P3H2: variants seen among roughly 807,000 people sequenced by gnomAD.
P3H2 encodes the protein prolyl 3-hydroxylase 2.
Under a neutral mutation model 87.0 loss-of-function variants are expected in P3H2, and 80 were observed. The ratio of observed to expected loss-of-function variants is 0.92; its 90% CI spans 0.77 to 1.11. P3H2 has a LOEUF of 1.11. Ranked by LOEUF, P3H2 falls within the 50% of genes least tolerant of loss-of-function variation. P3H2 has a pLI of 0.00. For synonymous variants in P3H2, 367 were observed against 359.3 expected (o/e 1.02, Z -0.24); for missense variants, 1,001 against 923.9 (o/e 1.08, Z -1.08).
chr3:189,966,134 AGAAAG>A (rs1722990610), intron 13 of P3H2, among the ~76,000 whole-genome samples: 1 of 73,584 alleles, frequency 1.4e-5, no homozygotes, highest in Non-Finnish European at 3.2e-5. Context: ...AAAGAAAGAA[AGAAAG>A]AAAGAAAGAA....
chr3:189,966,618 G>C (rs710540), intron 13 of P3H2, among the ~76,000 whole-genome samples: 32,665 of 152,126 alleles, frequency 0.21, 3,758 homozygotes, highest in Non-Finnish European at 0.27. Context: ...ATGTTATGAA[G>C]TTTGGATAAA....
chr3:189,999,418 C>A (rs1376766190), intron 1 of P3H2, among the ~76,000 whole-genome samples: 4 of 152,180 alleles, frequency 2.6e-5, no homozygotes, highest in African/African-American at 9.7e-5. Flanking sequence ...ACTGTTTTAA[C>A]TGGAAGCTTG....
rs3062120 is a variant in P3H2 at position 190,012,207 on chromosome 3, G to GGTGT, written c.481-16769_481-16766dup. Among the ~76,000 whole-genome samples the GGTGT allele has an allele frequency of 4.8e-3, 701 of 145,684 alleles. 2 individuals are homozygous for GGTGT. The highest frequency in any genetic ancestry group is 0.015 in the African/African-American group (589 of 38,938). ...AGGTGTGTGCCTGTGTGTAGGTAAA[G>GGTGT]GTGTGTGTGTGTGTGTGTGTGTGTG... On this transcript the variant is annotated intron_variant, in intron 1 of 14. Transcript: ENST00000319332.
At chr3:189,995,577 CA>C (rs1724031449) in intron 1 of P3H2, 135 bp from the exon 2 acceptor site, 1 of 861,870 alleles carries the variant, frequency 1.2e-6, no homozygotes, top group African/African-American at 1.8e-5. Context: ...TTTTATCAGA[CA>C]GGCAATAAAA....
intron 3 of P3H2, among the ~76,000 whole-genome samples, chr3:189,991,612 C>A (rs1723879443): frequency 6.6e-6 from 1 of 152,076 alleles, no homozygotes; most frequent in African/African-American, 2.4e-5. Context: ...AAGGCTTTAG[C>A]CGAGAGATAG....
intron 9 of P3H2, 142 bp from the exon 10 acceptor site, chr3:189,974,146 T>A (rs1723274055): frequency 1.4e-6 from 1 of 701,880 alleles, no homozygotes; most frequent in Non-Finnish European, 2.6e-6. Context: ...CTGGTATAAC[T>A]ATTCTTTTAA....
At chr3:190,109,291 TTC>T (rs1169608646) in intron 1 of P3H2, among the ~76,000 whole-genome samples, 3 of 152,158 alleles carry the variant, frequency 2.0e-5, no homozygotes, top group African/African-American at 7.2e-5. Flanking sequence ...TTCCCTCCCT[TTC>T]TCTTTCTTTC....
intron 1 of P3H2, among the ~76,000 whole-genome samples, chr3:190,030,493 C>A (rs1348917702): frequency 6.6e-6 from 1 of 152,084 alleles, no homozygotes; most frequent in Admixed American, 6.6e-5. Context: ...GAGGTCAAGG[C>A]TGCAGTGAGC....
chr3:190,056,335 A>T (rs1726153694), intron 1 of P3H2, among the ~76,000 whole-genome samples: 1 of 152,168 alleles, frequency 6.6e-6, no homozygotes, highest in African/African-American at 2.4e-5. Context: ...CCCCTGATAG[A>T]GACCACAGGC....
intron 1 of P3H2, among the ~76,000 whole-genome samples, chr3:190,027,478 T>C (rs534391624): frequency 5.3e-5 from 8 of 152,124 alleles, no homozygotes; most frequent in Non-Finnish European, 1.2e-4. Flanking sequence ...CTCTGAGGAA[T>C]TATGACCTTA....
intron 6 of P3H2, among the ~76,000 whole-genome samples, chr3:189,986,250 T>A (rs1368486677): frequency 1.3e-5 from 2 of 152,192 alleles, no homozygotes; most frequent in Non-Finnish European, 2.9e-5. Context: ...TAGACCTTGT[T>A]AATATGGAAT....
At chr3:190,067,748 G>A (rs1040562977) in intron 1 of P3H2, among the ~76,000 whole-genome samples, 2 of 152,006 alleles carry the variant, frequency 1.3e-5, no homozygotes, top group Non-Finnish European at 2.9e-5. Flanking sequence ...GTATTTCTGG[G>A]GGGGAATATT....
In P3H2 at chr3:189,957,045, T is replaced by G. The variant is rs546226986; in HGVS notation, c.*867A>C. The G allele has an allele frequency of 2.3e-5, 9 of 398,464 alleles. No homozygotes were observed. In the East Asian group the frequency reaches 3.2e-4, roughly 14 times the overall value. The allele number at this position is 398,464 out of a possible 1,614,324, so 24.7% of individuals were successfully genotyped here. On this transcript the variant is annotated 3_prime_UTR_variant, in exon 15 of 15. Coordinates refer to ENST00000319332, the MANE Select transcript of P3H2 (RefSeq NM_018192.4). The stretch of plus-strand genomic sequence containing the variant: ...TATAGGACAGTCCTTTCTGGAGTAC[T>G]GTGGAGGGTGAATCAAAGCTTCCAG...
In P3H2 at chr3:189,963,837, T is replaced by C. The variant is rs916451229; in HGVS notation, c.2034+121A>G. The C allele has an allele frequency of 6.4e-6, 6 of 932,978 alleles. No individual in the cohort carries two copies. The South Asian group carries it at 6.5e-5, about 10-fold the overall frequency. The allele number at this position is 932,978 out of a possible 1,614,324, so 57.8% of individuals were successfully genotyped here. A position where few individuals can be genotyped will look rare whatever the true frequency, so the allele number is the denominator to read the frequency against. On this transcript the variant is annotated intron_variant, in intron 14 of 14. Coordinates refer to ENST00000319332, the MANE Select transcript of P3H2 (RefSeq NM_018192.4). ...AAACATCTTCACTTACTAGAACATATCTGATTAAGAACTGCCTTTACCCTC... is the reference window on the plus strand; with the variant it reads ...AAACATCTTCACTTACTAGAACATACCTGATTAAGAACTGCCTTTACCCTC...
chr3:190,031,942 G>A (rs1157838885), intron 1 of P3H2, among the ~76,000 whole-genome samples: 3 of 152,186 alleles, frequency 2.0e-5, no homozygotes, highest in African/African-American at 7.2e-5. Flanking sequence ...TGGGATCCAG[G>A]ATGGGCTTTA....
At chr3:190,004,526 G>T (rs1045569878) in intron 1 of P3H2, among the ~76,000 whole-genome samples, 1 of 151,888 alleles carries the variant, frequency 6.6e-6, no homozygotes, top group Non-Finnish European at 1.5e-5. Context: ...GGGACTACAG[G>T]CGCCCGCCTC....
At chr3:189,973,584 C>T (rs909274056) in intron 10 of P3H2, among the ~76,000 whole-genome samples, 3 of 139,592 alleles carry the variant, frequency 2.1e-5, no homozygotes, top group Non-Finnish European at 4.5e-5. Context: ...AGTGCAGTGG[C>T]GCGATCTCGG....
At chr3:190,119,226 G>GAGGAC (rs1712432901) in intron 1 of P3H2, among the ~76,000 whole-genome samples, 1 of 120,662 alleles carries the variant, frequency 8.3e-6, no homozygotes, top group South Asian at 2.9e-4. Context: ...AAGCAAAGCA[G>GAGGAC]AGCACAGCAG....
chr3:189,959,860 A>ATGTGTGTGTGTGTGTGTG (rs75204350), intron 14 of P3H2, among the ~76,000 whole-genome samples: 3 of 134,796 alleles, frequency 2.2e-5, no homozygotes, highest in African/African-American at 8.2e-5. Context: ...TGGAGGAGAT[A>ATGTGTGTGTGTGTGTGTG]TGTGTGTGTG....
Sources: gnomAD v4.1 joint callset for allele counts (sites outside exome capture counted in the v4.1 genomes callset) on GRCh38, gnomAD v4.1.1 for gene constraint, MANE v1.5 for transcripts, NCBI Gene and HGNC (gene_info 2026-07-23, HGNC 2026-07-21) for gene names.